PCGF5: variants seen among roughly 807,000 people sequenced by gnomAD.
PCGF5 encodes polycomb group ring finger 5.
PCGF5 carries 9 observed loss-of-function variants against 44.3 expected under a neutral mutation model. The ratio of observed to expected loss-of-function variants is 0.20; its 90% CI spans 0.12 to 0.35. The LOEUF (loss-of-function observed/expected upper bound fraction) is 0.35. Among genes scored for constraint, PCGF5 ranks in the 10% least tolerant of loss-of-function variants. The probability of loss-of-function intolerance (pLI) is 1.00; values close to 1 mark genes in which losing one functional copy is unlikely to be tolerated. For synonymous variants in PCGF5, 95 were observed against 102.5 expected, an observed-to-expected ratio of 0.93 and a Z score of 0.44; for missense variants, 146 against 305.3, an observed-to-expected ratio of 0.48 and a Z score of 3.89.
chr10:91,165,550 T>G (rs768970486), intron 1 of PCGF5, among the ~76,000 whole-genome samples: 5 of 152,194 alleles, frequency 3.3e-5, no homozygotes, highest in Non-Finnish European at 5.9e-5. Context: ...CAAGCTGGAG[T>G]GCAGTGGCGC....
chr10:91,262,087 AT>A (rs1845927328), intron 7 of PCGF5, among the ~76,000 whole-genome samples: 1 of 152,192 alleles, frequency 6.6e-6, no homozygotes, highest in Non-Finnish European at 1.5e-5. Flanking sequence ...CAACTCATTA[AT>A]TTCCCCTTCT....
chr10:91,276,383 GACTAGAA>G (rs1442374169), intron 9 of PCGF5, among the ~76,000 whole-genome samples: 1 of 152,136 alleles, frequency 6.6e-6, no homozygotes, highest in African/African-American at 2.4e-5. Flanking sequence ...GAGCCTTGAG[GACTAGAA>G]ACTGAAACGC....
At chr10:91,162,496 G>C (rs950526056), upstream of PCGF5, among the ~76,000 whole-genome samples, 9 of 152,140 alleles carry the variant, frequency 5.9e-5, no homozygotes, top group African/African-American at 2.2e-4. Flanking sequence ...TCTGTGGGGG[G>C]AGAAGGTGCC....
upstream of PCGF5, among the ~76,000 whole-genome samples, chr10:91,218,295 C>T (rs1308751614): frequency 2.0e-5 from 3 of 152,188 alleles, no homozygotes; most frequent in African/African-American, 7.2e-5. Context: ...TAAGGGGACT[C>T]CCAGCTATGA....
At chr10:91,194,331 A>G (rs1165008141) in intron 1 of PCGF5, among the ~76,000 whole-genome samples, 5 of 152,184 alleles carry the variant, frequency 3.3e-5, no homozygotes, top group Admixed American at 3.3e-4. Context: ...TATCTTTCCC[A>G]TGGTGGTCAG....
At chr10:91,165,882 A>C (rs1029067615) in intron 1 of PCGF5, among the ~76,000 whole-genome samples, 1 of 152,234 alleles carries the variant, frequency 6.6e-6, no homozygotes, top group Non-Finnish European at 1.5e-5. Flanking sequence ...AATTAGCCCC[A>C]GTCTTGTAGC....
At chr10:91,278,216 G>A (rs1321719822) in intron 9 of PCGF5, 53 bp from the exon 10 acceptor site, 6 of 1,403,320 alleles carry the variant, frequency 4.3e-6, no homozygotes, top group African/African-American at 4.3e-5. Flanking sequence ...TATATAAACT[G>A]TATTGTTTTT....
intron 1 of PCGF5, among the ~76,000 whole-genome samples, chr10:91,180,452 A>C (rs762633596): frequency 6.6e-6 from 1 of 152,134 alleles, no homozygotes; most frequent in Non-Finnish European, 1.5e-5. Flanking sequence ...GTTGTCTTCC[A>C]GGGTTTTTAT....
upstream of PCGF5, among the ~76,000 whole-genome samples, chr10:91,162,324 G>T (rs1245181173): frequency 2.7e-5 from 4 of 149,562 alleles, no homozygotes; most frequent in Non-Finnish European, 4.5e-5. Context: ...GGTGGGGTGG[G>T]GGGACTTTGC....
intron 1 of PCGF5, among the ~76,000 whole-genome samples, chr10:91,212,544 A>G (rs904422719): frequency 2.0e-5 from 3 of 152,202 alleles, no homozygotes; most frequent in African/African-American, 7.2e-5. Flanking sequence ...AATATTTTAT[A>G]TTGTATACTC....
intron 1 of PCGF5, among the ~76,000 whole-genome samples, chr10:91,197,428 G>T (rs536643187): frequency 6.6e-5 from 10 of 152,308 alleles, no homozygotes; most frequent in African/African-American, 2.4e-4. Context: ...TATCACAACT[G>T]CTGATGTTTA....
upstream of PCGF5, among the ~76,000 whole-genome samples, chr10:91,219,989 C>T (rs1335831504): frequency 6.6e-6 from 1 of 152,168 alleles, no homozygotes; most frequent in Non-Finnish European, 1.5e-5. Flanking sequence ...GCCATCACTG[C>T]TCTGGCTTCT....
intron 8 of PCGF5, among the ~76,000 whole-genome samples, chr10:91,266,400 A>G (rs1447589174): frequency 6.6e-6 from 1 of 152,194 alleles, no homozygotes; most frequent in Non-Finnish European, 1.5e-5. Flanking sequence ...TTTTAGTAAG[A>G]GACTATGATT....
chr10:91,162,019 C>T (rs1436055568), upstream of PCGF5, among the ~76,000 whole-genome samples: 1 of 151,872 alleles, frequency 6.6e-6, no homozygotes, highest in African/African-American at 2.4e-5. Flanking sequence ...TGGTAGGAGA[C>T]GGCTACAGGA....
At chr10:91,170,014 G>A (rs1843574780) in intron 1 of PCGF5, among the ~76,000 whole-genome samples, 1 of 152,202 alleles carries the variant, frequency 6.6e-6, no homozygotes, top group African/African-American at 2.4e-5. Context: ...GTAATACAGT[G>A]GAGAAAGGAT....
At chr10:91,204,727 C>T (rs546013894) in intron 1 of PCGF5, among the ~76,000 whole-genome samples, 1 of 152,280 alleles carries the variant, frequency 6.6e-6, no homozygotes, top group East Asian at 1.9e-4. Context: ...CCACGTCCTG[C>T]CCTTTTTCTC....
At chr10:91,274,337 T>G (rs1012564005) in intron 9 of PCGF5, among the ~76,000 whole-genome samples, 16 of 152,200 alleles carry the variant, frequency 1.1e-4, no homozygotes, top group Non-Finnish European at 1.9e-4. Flanking sequence ...TACCACATAC[T>G]AAAACATATT....
At chr10:91,249,249 T>C (rs534290396) in intron 5 of PCGF5, among the ~76,000 whole-genome samples, 1 of 151,646 alleles carries the variant, frequency 6.6e-6, no homozygotes, top group South Asian at 2.1e-4. Flanking sequence ...TGGGTGCTTA[T>C]GGGAATTTTC....
intron 1 of PCGF5, among the ~76,000 whole-genome samples, chr10:91,172,001 C>T (rs12785109): frequency 0.33 from 50,777 of 152,042 alleles, 9,940 homozygotes; most frequent in East Asian, 0.52. Flanking sequence ...GGAAGTTGTT[C>T]CTTTATTTTA....
Sources: gnomAD v4.1 joint callset for allele counts (sites outside exome capture counted in the v4.1 genomes callset) on GRCh38, gnomAD v4.1.1 for gene constraint, MANE v1.5 for transcripts, NCBI Gene and HGNC (gene_info 2026-07-23, HGNC 2026-07-21) for gene names.